PHLPP1: variants seen among roughly 807,000 people sequenced by gnomAD.
The protein encoded by PHLPP1 is PH domain leucine-rich repeat-containing protein phosphatase 1.
In PHLPP1, 42 loss-of-function variants were observed where a neutral mutation model predicts 117.2. The observed-to-expected ratio is 0.36, with a 90% CI of 0.28 to 0.46. The LOEUF (loss-of-function observed/expected upper bound fraction) is 0.46, where lower values mean the gene tolerates loss of function less well. Ranked by LOEUF, PHLPP1 falls within the 20% of genes least tolerant of loss-of-function variation. The pLI is 1.00. For missense variants in PHLPP1, 2,084 were observed against 2,241.9 expected (o/e 0.93, Z 1.42); for synonymous variants, 1,042 against 970.7 (o/e 1.07, Z -1.37).
At chr18:62,937,426 T>C (rs942096324) in intron 10 of PHLPP1, among the ~76,000 whole-genome samples, 5 of 152,256 alleles carry the variant, frequency 3.3e-5, no homozygotes, top group African/African-American at 1.2e-4. Context: ...ACACGTGGTC[T>C]TCACATTACA....
At chr18:62,977,300 C>A (rs758671339) in intron 16 of PHLPP1, among the ~76,000 whole-genome samples, 1 of 151,964 alleles carries the variant, frequency 6.6e-6, no homozygotes, top group African/African-American at 2.4e-5. Context: ...CTTTGTCATC[C>A]CAGACAGGGA....
chr18:62,746,842 A>G (rs956571432), intron 1 of PHLPP1, among the ~76,000 whole-genome samples: 1 of 151,784 alleles, frequency 6.6e-6, no homozygotes, highest in African/African-American at 2.4e-5. Context: ...TAGCAATGTG[A>G]TTTATTTTTC....
At chr18:62,769,741 C>G (rs1208434508) in intron 1 of PHLPP1, among the ~76,000 whole-genome samples, 1 of 152,226 alleles carries the variant, frequency 6.6e-6, no homozygotes, top group African/African-American at 2.4e-5. Flanking sequence ...AATTCTTCTT[C>G]CATGATGTAT....
intron 1 of PHLPP1, among the ~76,000 whole-genome samples, chr18:62,755,809 AT>A (rs1406954923): frequency 6.6e-6 from 1 of 152,162 alleles, no homozygotes; most frequent in Non-Finnish European, 1.5e-5. Context: ...GTTTGTATCT[AT>A]TTTTTGTTTG....
chr18:62,889,393 A>G (rs1916357390), intron 4 of PHLPP1, among the ~76,000 whole-genome samples: 1 of 152,212 alleles, frequency 6.6e-6, no homozygotes, highest in Admixed American at 6.5e-5. Context: ...TAACCAAGCT[A>G]AGAAACTGTT....
intron 13 of PHLPP1, among the ~76,000 whole-genome samples, chr18:62,959,256 A>C (rs1401005732): frequency 6.6e-6 from 1 of 152,264 alleles, no homozygotes; most frequent in African/African-American, 2.4e-5. Context: ...ATGTCTATTA[A>C]GAATTAAATA....
intron 10 of PHLPP1, among the ~76,000 whole-genome samples, chr18:62,936,420 ATTGT>A (rs1355962709): frequency 1.3e-5 from 2 of 152,212 alleles, no homozygotes; most frequent in Admixed American, 6.5e-5. Flanking sequence ...CACAGAAATG[ATTGT>A]TACAAGCACA....
At chr18:62,798,026 C>T (rs1913674544) in intron 1 of PHLPP1, among the ~76,000 whole-genome samples, 1 of 152,082 alleles carries the variant, frequency 6.6e-6, no homozygotes, top group South Asian at 2.1e-4. Context: ...TTCCTTTTTC[C>T]AAGCTACAGA....
chr18:62,901,161 GT>G (rs1916714922), intron 6 of PHLPP1, among the ~76,000 whole-genome samples: 1 of 152,168 alleles, frequency 6.6e-6, no homozygotes, highest in South Asian at 2.1e-4. Flanking sequence ...GAAATTGTGT[GT>G]GGCTCTTTCA....
At chr18:62,738,960 T>C (rs142731627) in intron 1 of PHLPP1, among the ~76,000 whole-genome samples, 205 of 152,278 alleles carry the variant, frequency 1.3e-3, no homozygotes, top group African/African-American at 4.7e-3. Context: ...AGTTTAGGGG[T>C]GACCATAATC....
intron 1 of PHLPP1, among the ~76,000 whole-genome samples, chr18:62,773,496 T>A (rs1274677932): frequency 6.6e-6 from 1 of 152,224 alleles, no homozygotes; most frequent in African/African-American, 2.4e-5. Context: ...GAAAGTTTCC[T>A]TGTTGTTCGT....
In PHLPP1 at chr18:62,933,023, A is replaced by T. The variant is rs955476480; in HGVS notation, c.2961-8695A>T. On this transcript the variant is annotated intron_variant, in intron 10 of 16. Transcript: ENST00000262719. ...CAATCCCATTTACAATAGCAAAAAA[A>T]TGAAATAAAATACCTAGGAATACAT... Among the ~76,000 whole-genome samples, 6 of 152,190 alleles carry T rather than the reference A, an allele frequency of 3.9e-5. 1 individual carries two copies. Among genetic ancestry groups the T allele is most frequent in the Non-Finnish European group, 4.4e-5 (3 of 68,020 alleles).
At chr18:62,823,385 G>A (rs1914521372) in intron 1 of PHLPP1, among the ~76,000 whole-genome samples, 2 of 151,720 alleles carry the variant, frequency 1.3e-5, no homozygotes, top group South Asian at 2.1e-4. Flanking sequence ...GCAACATAGC[G>A]ACCCTGTCTC....
intron 10 of PHLPP1, among the ~76,000 whole-genome samples, chr18:62,925,304 C>G (rs1410144955): frequency 6.6e-6 from 1 of 152,116 alleles, no homozygotes; most frequent in Non-Finnish European, 1.5e-5. Context: ...ATTAACAAAG[C>G]CGAAAATGGA....
At chr18:62,810,643 T>TA (rs1202428410) in intron 1 of PHLPP1, among the ~76,000 whole-genome samples, 1 of 152,182 alleles carries the variant, frequency 6.6e-6, no homozygotes, top group Non-Finnish European at 1.5e-5. Flanking sequence ...GAAAATATCT[T>TA]ACTATACCAT....
At chr18:62,892,082 C>CTTTTTTTTTTTTTTTTTT (rs200141250) in intron 4 of PHLPP1, among the ~76,000 whole-genome samples, 3 of 107,966 alleles carry the variant, frequency 2.8e-5, no homozygotes, top group Non-Finnish European at 5.3e-5. Flanking sequence ...TTCTTTCTTT[C>CTTTTTTTTTTTTTTTTTT]TTTTTTTTTT....
At chr18:62,940,334 C>T (rs565170408) in intron 10 of PHLPP1, among the ~76,000 whole-genome samples, 6 of 137,426 alleles carry the variant, frequency 4.4e-5, no homozygotes, top group Admixed American at 2.1e-4. Flanking sequence ...ATTTTATCCA[C>T]GTTTCTTTTT....
chr18:62,742,335 C>T (rs1911553180), intron 1 of PHLPP1, among the ~76,000 whole-genome samples: 1 of 152,122 alleles, frequency 6.6e-6, no homozygotes, highest in Admixed American at 6.5e-5. Context: ...CCTTATACAG[C>T]TATATTGATT....
At chr18:62,872,813 C>T (rs1422500136) in intron 4 of PHLPP1, among the ~76,000 whole-genome samples, 1 of 151,778 alleles carries the variant, frequency 6.6e-6, no homozygotes, top group East Asian at 1.9e-4. Context: ...ATGGTAAAAT[C>T]CCGCCACTAC....
Sources: allele counts gnomAD v4.1 joint callset (sites outside exome capture counted in the v4.1 genomes callset), GRCh38; gene constraint gnomAD v4.1.1; transcripts MANE v1.5; gene names NCBI Gene and HGNC (gene_info 2026-07-23, HGNC 2026-07-21).